ASIC2: variants seen among roughly 807,000 people sequenced by gnomAD.
ASIC2 encodes acid-sensing ion channel 2.
ASIC2 carries 25 observed loss-of-function variants against 57.3 expected under a neutral mutation model. That is an observed-to-expected ratio of 0.44 (90% CI 0.32 to 0.61). The LOEUF (loss-of-function observed/expected upper bound fraction) is 0.61, where lower values mean the gene tolerates loss of function less well. Ranked by LOEUF, ASIC2 falls within the 20% of genes least tolerant of loss-of-function variation. The probability of loss-of-function intolerance (pLI) is 0.06; values close to 1 mark genes in which losing one functional copy is unlikely to be tolerated. For missense variants in ASIC2, 641 were observed against 738.1 expected (o/e 0.87, Z 1.52); for synonymous variants, 319 against 307.5 (o/e 1.04, Z -0.39).
intron 1 of ASIC2, among the ~76,000 whole-genome samples, chr17:33,580,927 T>G (rs553667821): frequency 4.4e-4 from 67 of 152,316 alleles, no homozygotes; most frequent in Admixed American, 1.9e-3. Context: ...TACCACCTTT[T>G]TGGTTTATGC....
intron 1 of ASIC2, among the ~76,000 whole-genome samples, chr17:33,756,784 C>T (rs1029190177): frequency 6.6e-6 from 1 of 152,216 alleles, no homozygotes; most frequent in Non-Finnish European, 1.5e-5. Context: ...CAGGAAGGAA[C>T]AATCTCCAGT....
At chr17:34,048,673 T>G (rs142674920) in intron 1 of ASIC2, among the ~76,000 whole-genome samples, 12 of 152,366 alleles carry the variant, frequency 7.9e-5, no homozygotes, top group Non-Finnish European at 1.6e-4. Flanking sequence ...TCCATAAATC[T>G]AGACCATCAC....
At chr17:33,378,924 G>A (rs1405090786) in intron 1 of ASIC2, among the ~76,000 whole-genome samples, 2 of 152,172 alleles carry the variant, frequency 1.3e-5, no homozygotes, top group East Asian at 3.9e-4. Flanking sequence ...TGAGTGACCT[G>A]GGGCAAGTGA....
intron 1 of ASIC2, among the ~76,000 whole-genome samples, chr17:33,899,983 G>GT (rs1915196173): frequency 2.0e-5 from 3 of 152,332 alleles, no homozygotes; most frequent in Admixed American, 2.0e-4. Flanking sequence ...TATGGGAAGT[G>GT]AGTATCCTGT....
At chr17:34,086,708 T>C (rs532366121) in intron 1 of ASIC2, among the ~76,000 whole-genome samples, 4 of 152,352 alleles carry the variant, frequency 2.6e-5, no homozygotes, top group Non-Finnish European at 5.9e-5. Context: ...ACTTGCTTTA[T>C]GAATCTGGGT....
intron 1 of ASIC2, among the ~76,000 whole-genome samples, chr17:33,998,110 A>G (rs1308348167): frequency 6.6e-6 from 1 of 151,970 alleles, no homozygotes; most frequent in South Asian, 2.1e-4. Context: ...CTCATGGTTC[A>G]GTTTTGGTAG....
At chr17:34,060,895 A>G (rs913404363) in intron 1 of ASIC2, among the ~76,000 whole-genome samples, 8 of 152,176 alleles carry the variant, frequency 5.3e-5, no homozygotes, top group Non-Finnish European at 1.0e-4. Flanking sequence ...CTGAGGAAGA[A>G]GAGAAATCTA....
chr17:34,084,625 C>T (rs949253613), intron 1 of ASIC2, among the ~76,000 whole-genome samples: 1 of 152,110 alleles, frequency 6.6e-6, no homozygotes, highest in African/African-American at 2.4e-5. Flanking sequence ...CTATAAATTA[C>T]CTTGGGCAGT....
intron 1 of ASIC2, among the ~76,000 whole-genome samples, chr17:33,155,921 C>T (rs957838867): frequency 6.6e-6 from 1 of 151,992 alleles, no homozygotes; most frequent in East Asian, 1.9e-4. Context: ...TACTTAAGGC[C>T]CCAATTTAAT....
At chr17:33,544,283 G>A (rs1018529434) in intron 1 of ASIC2, among the ~76,000 whole-genome samples, 3 of 152,140 alleles carry the variant, frequency 2.0e-5, no homozygotes, top group African/African-American at 4.8e-5. Flanking sequence ...GTTCGTCCAC[G>A]CACCAGCTGA....
intron 1 of ASIC2, among the ~76,000 whole-genome samples, chr17:33,186,466 A>T (rs998555451): frequency 1.3e-5 from 2 of 152,198 alleles, no homozygotes; most frequent in Admixed American, 1.3e-4. Context: ...ATGACTTATT[A>T]CTTGCTGTTT....
intron 1 of ASIC2, among the ~76,000 whole-genome samples, chr17:33,318,086 A>T (rs1906728995): frequency 6.6e-6 from 1 of 152,114 alleles, no homozygotes; most frequent in Non-Finnish European, 1.5e-5. Context: ...GAGATTAAAC[A>T]TCGTTAAGGC....
At position 33,524,210 on chromosome 17, in the gene ASIC2, A is replaced by G. The variant is rs1914823581; in HGVS notation, c.556-412143T>C. On this transcript the variant is annotated intron_variant, in intron 1 of 9. Transcript: ENST00000359872. ...CCTGCCTCCAAATTCTTTGCCCTCC[A>G]GTCAGAATGTGCTGATATACCGTTG... Among the ~76,000 whole-genome samples, 6 of 152,304 alleles carry G rather than the reference A, an allele frequency of 3.9e-5. No individual in the cohort carries two copies. In the South Asian group the frequency reaches 1.2e-3, roughly 32 times the overall value.
intron 3 of ASIC2, among the ~76,000 whole-genome samples, chr17:33,062,678 C>T (rs546332164): frequency 6.6e-6 from 1 of 152,270 alleles, no homozygotes; most frequent in African/African-American, 2.4e-5. Flanking sequence ...TCTATTAGGT[C>T]TGCTTGGTGC....
chr17:33,957,056 C>T (rs547764210), intron 1 of ASIC2, among the ~76,000 whole-genome samples: 1 of 152,324 alleles, frequency 6.6e-6, no homozygotes, highest in East Asian at 1.9e-4. Flanking sequence ...CTCTGCTAAT[C>T]CTAGAGATGA....
chr17:33,224,066 G>A (rs1425069618), intron 1 of ASIC2, among the ~76,000 whole-genome samples: 1 of 152,162 alleles, frequency 6.6e-6, no homozygotes, highest in Non-Finnish European at 1.5e-5. Flanking sequence ...CTCTCATTGT[G>A]GACTACATGA....
At chr17:34,089,557 T>A (rs1910247642) in intron 1 of ASIC2, among the ~76,000 whole-genome samples, 1 of 152,170 alleles carries the variant, frequency 6.6e-6, no homozygotes, top group Non-Finnish European at 1.5e-5. Flanking sequence ...CTCCACTTGC[T>A]TTGTTAGAAA....
intron 1 of ASIC2, among the ~76,000 whole-genome samples, chr17:33,379,780 A>G (rs1909413197): frequency 6.6e-6 from 1 of 152,338 alleles, no homozygotes; most frequent in South Asian, 2.1e-4. Flanking sequence ...TGGTGAGGCC[A>G]AGGGACTGCC....
chr17:33,270,776 T>C (rs1169407859), intron 1 of ASIC2, among the ~76,000 whole-genome samples: 1 of 152,260 alleles, frequency 6.6e-6, no homozygotes, highest in Non-Finnish European at 1.5e-5. Flanking sequence ...TTCTGTAGTG[T>C]GTCTTACTGA....
Sources: gnomAD v4.1 joint callset for allele counts (sites outside exome capture counted in the v4.1 genomes callset) on GRCh38, gnomAD v4.1.1 for gene constraint, MANE v1.5 for transcripts, NCBI Gene and HGNC (gene_info 2026-07-23, HGNC 2026-07-21) for gene names.